Variants in SSU72 observed in about 807,000 individuals in gnomAD.
SSU72 encodes SSU72 homolog, RNA polymerase II CTD phosphatase.
Under a neutral mutation model 22.7 loss-of-function variants are expected in SSU72, and 12 were observed. The ratio of observed to expected loss-of-function variants is 0.53; its 90% CI spans 0.34 to 0.86. The LOEUF (loss-of-function observed/expected upper bound fraction) is 0.86, where lower values mean the gene tolerates loss of function less well. Ranked by LOEUF, SSU72 falls within the 40% of genes least tolerant of loss-of-function variation. The pLI is 0.02. For missense variants in SSU72, 151 were observed against 249.8 expected, an observed-to-expected ratio of 0.60 and a Z score of 2.67; for synonymous variants, 116 against 98.3, an observed-to-expected ratio of 1.18 and a Z score of -1.06.
In SSU72 at chr1:1,542,054, C is replaced by T. The variant is rs766510771; in HGVS notation, c.*12G>A. On this transcript the variant is annotated 3_prime_UTR_variant, in exon 5 of 5. Transcript: ENST00000291386. The surrounding 1 kb of genome is among the most constrained non-coding windows in gnomAD (Gnocchi z 4.4). ...AGGAAGCTCCAGAGGCGGCTCCATG[C>T]GGGCGCTGGGCTCAGTAGAAGCAGA... 1.2e-5 allele frequency: 18 copies of T among 1,564,202 alleles called. No individual in the cohort carries two copies. Among genetic ancestry groups the T allele is most frequent in the Non-Finnish European group, 1.6e-5 (18 of 1,153,910 alleles).
intron 1 of SSU72, among the ~76,000 whole-genome samples, chr1:1,573,155 G>A (rs1242943631): frequency 6.6e-6 from 1 of 151,426 alleles, no homozygotes; most frequent in Non-Finnish European, 1.5e-5. Context: ...GGGCGCAGTG[G>A]CTCACGCCTG....
In SSU72 at chr1:1,551,699, A is replaced by C. The variant is rs533573534; in HGVS notation, c.225-6697T>G. On this transcript the variant is annotated intron_variant, in intron 2 of 4. Transcript: ENST00000291386. ...TTCGCGGACGCCAACGGCCCAACCT[A>C]TCTCTGCCCCAAATCCACGTGGGAC... Among the ~76,000 whole-genome samples the C allele has an allele frequency of 3.3e-5, 5 of 152,240 alleles. No homozygotes were observed. The East Asian group carries it at 7.7e-4, about 24-fold the overall frequency.
chr1:1,567,912 CAAAAAAA>C (rs71574349), intron 1 of SSU72, among the ~76,000 whole-genome samples: 12 of 98,360 alleles, frequency 1.2e-4, no homozygotes, highest in South Asian at 6.7e-4. Context: ...TACTCTGTTT[CAAAAAAA>C]AAAAAAAAAA....
At chr1:1,568,398 C>A (rs1642687568) in intron 1 of SSU72, among the ~76,000 whole-genome samples, 1 of 151,922 alleles carries the variant, frequency 6.6e-6, no homozygotes, top group Admixed American at 6.6e-5. Context: ...TTGAGACCAG[C>A]CTGGCCAACA....
At chr1:1,562,723 C>A (rs917672682) in intron 2 of SSU72, 22 of 152,382 alleles carry the variant, frequency 1.4e-4, no homozygotes, top group Non-Finnish European at 2.1e-4. Flanking sequence ...CTTTCCAAGG[C>A]ACAGCCCCAC....
At chr1:1,543,057 C>T (rs1249780293) in intron 4 of SSU72, among the ~76,000 whole-genome samples, 2 of 150,524 alleles carry the variant, frequency 1.3e-5, no homozygotes, top group African/African-American at 5.0e-5. Flanking sequence ...ATCACAGAGG[C>T]AGAGGCAGAG....
At chr1:1,562,883 G>C (rs550909588) in intron 2 of SSU72, 1 of 152,436 alleles carries the variant, frequency 6.6e-6, no homozygotes, top group South Asian at 2.1e-4. Flanking sequence ...GAGAGGGGCA[G>C]CAGGACGTGC....
intron 2 of SSU72, 27 bp from the exon 3 acceptor site, chr1:1,545,029 G>A (rs376441351): frequency 1.2e-6 from 2 of 1,607,754 alleles, no homozygotes; most frequent in Non-Finnish European, 1.7e-6. Flanking sequence ...AGGAACGTCA[G>A]AGAAAAGGCA....
chr1:1,549,046 G>A (rs938877092), intron 2 of SSU72, among the ~76,000 whole-genome samples: 1 of 152,194 alleles, frequency 6.6e-6, no homozygotes, highest in Non-Finnish European at 1.5e-5. Context: ...GCCGAGGCAG[G>A]AGGATGCCTT....
chr1:1,560,808 A>T (rs1467726615), intron 2 of SSU72: 1 of 152,260 alleles, frequency 6.6e-6, no homozygotes, highest in Non-Finnish European at 1.5e-5. Flanking sequence ...ATAACACAGC[A>T]AGACCCATAT....
At chr1:1,564,617 C>T (rs778885594) in intron 2 of SSU72, 156 bp downstream of exon 2, 5 of 1,613,366 alleles carry the variant, frequency 3.1e-6, no homozygotes, top group South Asian at 1.1e-5. Context: ...GTGGACGATC[C>T]GACGTGCACC....
intron 1 of SSU72, among the ~76,000 whole-genome samples, chr1:1,572,757 T>C (rs1642747232): frequency 6.6e-6 from 1 of 150,648 alleles, no homozygotes; most frequent in Non-Finnish European, 1.5e-5. Context: ...GCGCCCGGCC[T>C]ACTCCATCTT....
chr1:1,570,441 C>T (rs923309392), intron 1 of SSU72, among the ~76,000 whole-genome samples: 3 of 151,614 alleles, frequency 2.0e-5, no homozygotes, highest in Admixed American at 1.3e-4. Context: ...ATTTCCTGCC[C>T]GTTACCCCCG....
chr1:1,563,259 C>G (rs142896598), intron 2 of SSU72: 2 of 152,232 alleles, frequency 1.3e-5, no homozygotes, highest in Admixed American at 1.3e-4. Context: ...AGAGGCCAGG[C>G]ATGGTGGCTC....
chr1:1,558,571 C>T (rs777062641), intron 2 of SSU72, among the ~76,000 whole-genome samples: 21 of 152,190 alleles, frequency 1.4e-4, no homozygotes, highest in Non-Finnish European at 2.5e-4. Flanking sequence ...TAGAGCTACA[C>T]GTTTACTTGC....
In SSU72 at chr1:1,554,324, G is replaced by T. The variant is rs1474477959; in HGVS notation, c.225-9322C>A. 6.6e-6 allele frequency among the ~76,000 whole-genome samples: 1 copy of T among 151,898 alleles called. No homozygotes were observed. ...ACCACTCGGGGGTCCCCACGAAGCTGAGCATGAGGCGGATCCGGACCACTC... is the reference window on the plus strand; with the variant it reads ...ACCACTCGGGGGTCCCCACGAAGCTTAGCATGAGGCGGATCCGGACCACTC... On this transcript the variant is annotated intron_variant, in intron 2 of 4. Transcript: ENST00000291386. This position sits in a 1 kb window ranked among gnomAD's most constrained non-coding sequence, Gnocchi z 4.1.
chr1:1,562,832 T>C (rs548858013), intron 2 of SSU72: 1 of 152,382 alleles, frequency 6.6e-6, no homozygotes, highest in Non-Finnish European at 1.5e-5. Flanking sequence ...CAGAAATCCT[T>C]AGAGATTTTT....
chr1:1,546,439 A>G (rs1403561625), intron 2 of SSU72: 1 of 152,106 alleles, frequency 6.6e-6, no homozygotes, highest in Non-Finnish European at 1.5e-5. Context: ...CAGCTATGAC[A>G]CCCGGGTCCA....
intron 1 of SSU72, among the ~76,000 whole-genome samples, chr1:1,571,081 T>C (rs1486144263): frequency 6.6e-6 from 1 of 151,906 alleles, no homozygotes; most frequent in African/African-American, 2.4e-5. Context: ...CTGACTCTAC[T>C]AAAAGCACCA....
Sources: gnomAD v4.1 joint callset for allele counts (sites outside exome capture counted in the v4.1 genomes callset) on GRCh38, gnomAD v4.1.1 for gene constraint, Gnocchi (gnomAD v3.1) non-coding constraint, MANE v1.5 for transcripts, NCBI Gene and HGNC (gene_info 2026-07-23, HGNC 2026-07-21) for gene names.